The following KCNJ16 variants were observed in gnomAD, a reference collection of about 807,000 sequenced individuals.
The protein encoded by KCNJ16 is inward rectifier potassium channel 16.
In KCNJ16, 15 loss-of-function variants were observed where a neutral mutation model predicts 18.5. The observed-to-expected ratio is 0.81, with a 90% confidence interval of 0.54 to 1.25. The LOEUF (loss-of-function observed/expected upper bound fraction) is 1.25, where lower values mean the gene tolerates loss of function less well. Among genes scored for constraint, KCNJ16 ranks in the 50% most tolerant of loss-of-function variants. The probability of loss-of-function intolerance (pLI) is 0.00; values close to 1 mark genes in which losing one functional copy is unlikely to be tolerated. For missense variants in KCNJ16, 523 were observed against 525.7 expected, an observed-to-expected ratio of 0.99 and a Z score of 0.05; for synonymous variants, 174 against 186.5, an observed-to-expected ratio of 0.93 and a Z score of 0.55.
At chr17:70,117,751 T>C (rs55976671) in intron 2 of KCNJ16, among the ~76,000 whole-genome samples, 17,634 of 152,222 alleles carry the variant, frequency 0.12, 3,454 homozygotes, top group African/African-American at 0.4. Context: ...AGTGCCTATA[T>C]ATCACATATT....
chr17:70,131,052 C>T lies in KCNJ16; in HGVS notation c.-94+77C>T, dbSNP rs9906557. 19,044 of 1,333,036 alleles carry T rather than the reference C, an allele frequency of 0.014. 2,124 individuals are homozygous for T. In the African/African-American group the frequency reaches 0.24, roughly 17 times the overall value. The allele number at this position is 1,333,036 out of a possible 1,614,324, so 82.6% of individuals were successfully genotyped here. ...GAAAAATTATTTTGCCTAAGGATGT[C>T]CGTGAAAGTATCAGGAAAACACTGA... On this transcript the variant is annotated intron_variant, in intron 3 of 3. Transcript: ENST00000392671.
In KCNJ16 at chr17:70,130,859, T is replaced by C. The variant is rs1160872638; in HGVS notation, c.-190-20T>C. 4.7e-6 allele frequency: 5 copies of C among 1,052,954 alleles called. No homozygotes were observed. In the East Asian group the frequency reaches 1.3e-4, roughly 27 times the overall value. 65.2% of individuals were successfully genotyped at this position (1,052,954 alleles called of 1,614,324 possible). A position where few individuals can be genotyped will look rare whatever the true frequency, so the allele number is the denominator to read the frequency against. On this transcript the variant is annotated intron_variant, in intron 2 of 3. Transcript: ENST00000392671. The stretch of plus-strand genomic sequence containing the variant: ...GTTAAAATTGGCTACAATACTTTTA[T>C]TTTTGTTTGTTTTGCACAGGAGTAA...
intron 2 of KCNJ16, among the ~76,000 whole-genome samples, chr17:70,120,415 C>T (rs972843588): frequency 6.6e-6 from 1 of 152,148 alleles, no homozygotes; most frequent in Non-Finnish European, 1.5e-5. Context: ...ACTCTCAGTA[C>T]CAATTTTCTA....
At chr17:70,084,866 T>C (rs761221870) in intron 1 of KCNJ16, among the ~76,000 whole-genome samples, 55 of 152,200 alleles carry the variant, frequency 3.6e-4, no homozygotes, top group Non-Finnish European at 7.6e-4. Context: ...CAAATGTTTA[T>C]ACCAAACCTC....
chr17:70,097,896 G>T (rs1464346682), intron 1 of KCNJ16, among the ~76,000 whole-genome samples: 2 of 152,030 alleles, frequency 1.3e-5, no homozygotes, highest in Non-Finnish European at 2.9e-5. Flanking sequence ...CCTAGGTTAT[G>T]ACCTCCTCCT....
intron 1 of KCNJ16, among the ~76,000 whole-genome samples, chr17:70,082,380 G>GA (rs1463323448): frequency 3.3e-5 from 5 of 152,150 alleles, no homozygotes; most frequent in Non-Finnish European, 7.3e-5. Flanking sequence ...TTAGATGGGA[G>GA]AATGTTTTTA....
chr17:70,097,535 T>C (rs1264820112), intron 1 of KCNJ16, among the ~76,000 whole-genome samples: 1 of 152,166 alleles, frequency 6.6e-6, no homozygotes, highest in Admixed American at 6.5e-5. Flanking sequence ...ATACATATTC[T>C]ATTAGATTCT....
chr17:70,131,426 G>C, intron 3 of KCNJ16: 1 of 1,003,876 alleles, frequency 1.0e-6, no homozygotes, highest in African/African-American at 1.7e-5. Flanking sequence ...GTCCTGGGAA[G>C]TATACAAGGA....
intron 2 of KCNJ16, among the ~76,000 whole-genome samples, chr17:70,110,514 G>A (rs1463641579): frequency 1.4e-5 from 2 of 138,382 alleles, no homozygotes; most frequent in Non-Finnish European, 3.2e-5. Flanking sequence ...ACTCATTTCC[G>A]GCATCCAGTC....
Position 70,110,167 on chromosome 17 carries a change from T to C in KCNJ16, c.-191+9401T>C, listed in dbSNP as rs923401288. Among the ~76,000 whole-genome samples, 5 of 152,190 alleles carry C rather than the reference T, an allele frequency of 3.3e-5. No homozygotes were observed. The South Asian group carries it at 1.0e-3, about 31-fold the overall frequency. ...ACAGACTCTCCATCGTCACCTGTTA[T>C]GGTGTGAATGTCTCTTCATTTCATT... On this transcript the variant is annotated intron_variant, in intron 2 of 3. Coordinates refer to ENST00000392671, the MANE Select transcript of KCNJ16 (RefSeq NM_170741.4).
intron 2 of KCNJ16, among the ~76,000 whole-genome samples, chr17:70,121,755 C>T (rs1363283734): frequency 6.6e-6 from 1 of 151,980 alleles, no homozygotes; most frequent in Non-Finnish European, 1.5e-5. Flanking sequence ...CATAGTGAAA[C>T]CCCTAGTGAA....
intron 1 of KCNJ16, among the ~76,000 whole-genome samples, chr17:70,091,281 A>C (rs2072079274): frequency 6.6e-6 from 1 of 152,210 alleles, no homozygotes; most frequent in Non-Finnish European, 1.5e-5. Flanking sequence ...ATAAAATTGA[A>C]GTCAAAACAC....
At chr17:70,085,875 G>T (rs1056355489) in intron 1 of KCNJ16, among the ~76,000 whole-genome samples, 10 of 151,924 alleles carry the variant, frequency 6.6e-5, no homozygotes, top group Non-Finnish European at 2.9e-5. Context: ...AATACAAACA[G>T]AAAAATCAAT....
chr17:70,095,944 A>G (rs2143775009), intron 1 of KCNJ16, among the ~76,000 whole-genome samples: 1 of 121,754 alleles, frequency 8.2e-6, no homozygotes, highest in East Asian at 2.4e-4. Flanking sequence ...GTGCAGTGGC[A>G]CTATCTCGGC....
At chr17:70,081,380 A>G (rs954708263) in intron 1 of KCNJ16, among the ~76,000 whole-genome samples, 5 of 152,208 alleles carry the variant, frequency 3.3e-5, no homozygotes, top group Non-Finnish European at 4.4e-5. Context: ...AGATAACAGT[A>G]TTGAGCTGAA....
rs1356047743 is a variant in KCNJ16, at chr17:70,132,674, A to G, written c.587A>G (p.Lys196Arg). The change falls in exon 4 of 4, where the codon AAG (lysine) becomes AGG (arginine). Residue 196 changes from lysine (K) to arginine (R), a missense_variant. Coordinates refer to ENST00000392671, the MANE Select transcript of KCNJ16 (RefSeq NM_170741.4). ...YFALIGMRDG[K>R]LCLMWRIGDF... ...GCACTTATAGGTATGAGAGATGGGA[A>G]GCTTTGCCTCATGTGGCGCATTGGT... The G allele has an allele frequency of 6.2e-7, 1 of 1,614,228 alleles. No homozygotes were observed. Among genetic ancestry groups the G allele is most frequent in the Non-Finnish European group, 8.5e-7 (1 of 1,180,040 alleles).
chr17:70,097,925 G>A (rs1207879434), intron 1 of KCNJ16, among the ~76,000 whole-genome samples: 1 of 152,092 alleles, frequency 6.6e-6, no homozygotes, highest in African/African-American at 2.4e-5. Context: ...TGACCAATCT[G>A]TTCTCAACAC....
chr17:70,114,402 G>A (rs929383457), intron 2 of KCNJ16, among the ~76,000 whole-genome samples: 2 of 152,078 alleles, frequency 1.3e-5, no homozygotes, highest in African/African-American at 4.8e-5. Context: ...ATTTCTGTTG[G>A]CATACCGTAA....
intron 1 of KCNJ16, among the ~76,000 whole-genome samples, chr17:70,092,099 G>A (rs1198209125): frequency 6.6e-6 from 1 of 152,126 alleles, no homozygotes; most frequent in African/African-American, 2.4e-5. Flanking sequence ...ATGAACCATA[G>A]CAAGTTCCTA....
Sources: gnomAD v4.1 joint callset for allele counts (sites outside exome capture counted in the v4.1 genomes callset) on GRCh38, gnomAD v4.1.1 for gene constraint, MANE v1.5 for transcripts, NCBI Gene and HGNC (gene_info 2026-07-23, HGNC 2026-07-21) for gene names.